Variants in NCBP2 observed in about 807,000 individuals in gnomAD.
The protein encoded by NCBP2 is nuclear cap binding protein subunit 2.
NCBP2 carries 8 observed loss-of-function variants against 21.5 expected under a neutral mutation model. That is an observed-to-expected ratio of 0.37 (90% CI 0.22 to 0.67). The LOEUF (loss-of-function observed/expected upper bound fraction) is 0.67. Among genes scored for constraint, NCBP2 ranks in the 30% least tolerant of loss-of-function variants. NCBP2 has a pLI of 0.56. For synonymous variants in NCBP2, 92 were observed against 75.8 expected, an observed-to-expected ratio of 1.21 and a Z score of -1.11; for missense variants, 127 against 206.9, an observed-to-expected ratio of 0.61 and a Z score of 2.37.
intron 1 of NCBP2, among the ~76,000 whole-genome samples, chr3:196,940,817 G>C (rs193073273): frequency 1.2e-3 from 179 of 152,330 alleles, no homozygotes; most frequent in African/African-American, 4.0e-3. Flanking sequence ...AATCATGCCT[G>C]GCACTTAGGC....
At chr3:196,941,883 C>T in intron 1 of NCBP2, 7 of 1,535,240 alleles carry the variant, frequency 4.6e-6, no homozygotes, top group Non-Finnish European at 6.1e-6. Flanking sequence ...CCTCCCCACT[C>T]CGAAGCTTCC....
chr3:196,937,863 C>T (rs760525830), intron 2 of NCBP2: 6 of 563,634 alleles, frequency 1.1e-5, no homozygotes, highest in Non-Finnish European at 1.9e-5. Flanking sequence ...GATCATATTT[C>T]TTGGACATTC....
chr3:196,938,462 A>G (rs916272490), intron 2 of NCBP2: 2 of 152,244 alleles, frequency 1.3e-5, no homozygotes, highest in Admixed American at 1.3e-4. Flanking sequence ...AGAATATTAA[A>G]TTGAATGACC....
At chr3:196,940,044 C>A (rs1716457239) in intron 1 of NCBP2, 1 of 152,248 alleles carries the variant, frequency 6.6e-6, no homozygotes, top group Non-Finnish European at 1.5e-5. Context: ...ATCCAACACA[C>A]CTGACAGACA....
At position 196,937,662 on chromosome 3, in the gene NCBP2, G is replaced by T. The variant is rs758965131; in HGVS notation, c.261-14C>A. 1 of 1,612,100 alleles carries T rather than the reference G, an allele frequency of 6.2e-7. No individual in the cohort carries two copies. Among genetic ancestry groups the T allele is most frequent in the South Asian group, 1.1e-5 (1 of 91,010 alleles). Reference sequence around the variant, plus strand: ...CGTGAGTAATATCTTAAGTATTAAGGAACACTAGCATTTTTCCAAACATTT... The same window carrying T: ...CGTGAGTAATATCTTAAGTATTAAGTAACACTAGCATTTTTCCAAACATTT... On this transcript the variant is annotated splice_polypyrimidine_tract_variant and intron_variant, in intron 2 of 3. Coordinates refer to ENST00000321256, the MANE Select transcript of NCBP2 (RefSeq NM_007362.5).
At chr3:196,942,080 AC>A in intron 1 of NCBP2, 1 of 1,513,292 alleles carries the variant, frequency 6.6e-7, no homozygotes, top group Non-Finnish European at 8.8e-7. Context: ...AGAGAAGGGC[AC>A]CCCTCCCCCT....
intron 2 of NCBP2, chr3:196,938,061 A>G (rs1022160069): frequency 3.7e-5 from 6 of 160,614 alleles, no homozygotes; most frequent in Non-Finnish European, 5.5e-5. Flanking sequence ...GAAAGACTCA[A>G]GCTGTCACCA....
chr3:196,942,242 G>C, intron 1 of NCBP2, 184 bp downstream of exon 1: 1 of 1,466,988 alleles, frequency 6.8e-7, no homozygotes, highest in Non-Finnish European at 9.0e-7. Flanking sequence ...TCCAGAGCAA[G>C]TGGCTTCAGT....
chr3:196,937,327 C>G, intron 3 of NCBP2, 183 bp downstream of exon 3: 1 of 870,528 alleles, frequency 1.1e-6, no homozygotes, highest in Non-Finnish European at 1.7e-6. Context: ...ACGTACAGAA[C>G]ATACCATTTC....
At chr3:196,942,318 C>A (rs1397140922) in intron 1 of NCBP2, 108 bp downstream of exon 1, 11 of 1,534,362 alleles carry the variant, frequency 7.2e-6, no homozygotes, top group African/African-American at 2.7e-5. Context: ...CCCCACTTGG[C>A]GTTTGCGGAT....
chr3:196,941,312 G>T (rs925747475), intron 1 of NCBP2, among the ~76,000 whole-genome samples: 1 of 151,982 alleles, frequency 6.6e-6, no homozygotes, highest in African/African-American at 2.4e-5. Flanking sequence ...GGCTAGTCTT[G>T]AACTCCTAAC....
chr3:196,936,808 C>CT lies in NCBP2; in HGVS notation c.*202dup. On this transcript the variant is annotated 3_prime_UTR_variant, in exon 4 of 4. Coordinates refer to ENST00000321256, the MANE Select transcript of NCBP2 (RefSeq NM_007362.5). Reference sequence around the variant, plus strand: ...CTGGTAACAAAATTGTTCTGATAATCTGACACATGGCCAAGATTCTCAGAC... The same window carrying CT: ...CTGGTAACAAAATTGTTCTGATAATCTTGACACATGGCCAAGATTCTCAGAC... The CT allele has an allele frequency of 1.7e-6, 1 of 587,984 alleles. No homozygotes were observed. The highest frequency in any genetic ancestry group is 2.1e-5 in the South Asian group (1 of 47,706). 36.4% of individuals were successfully genotyped at this position (587,984 alleles called of 1,614,324 possible).
At chr3:196,941,816 G>A in intron 1 of NCBP2, 2 of 1,240,036 alleles carry the variant, frequency 1.6e-6, no homozygotes, top group Non-Finnish European at 2.2e-6. Context: ...CTGAAATCCA[G>A]CAATTCTCCG....
chr3:196,942,335 T>C, intron 1 of NCBP2, 91 bp downstream of exon 1: 2 of 1,546,382 alleles, frequency 1.3e-6, no homozygotes, highest in Non-Finnish European at 1.7e-6. Flanking sequence ...GGATTTCAGC[T>C]GAATGGGAGG....
At chr3:196,937,781 C>A in intron 2 of NCBP2, 133 bp from the exon 3 acceptor site, 1 of 1,103,484 alleles carries the variant, frequency 9.1e-7, no homozygotes, top group Non-Finnish European at 1.3e-6. Context: ...AGTAATTCAG[C>A]TTGCCCAGGC....
chr3:196,939,517 A>C lies in NCBP2; in HGVS notation c.79-85T>G, dbSNP rs961398359. Reference sequence around the variant, plus strand: ...TCTAAGTACGGTAGAGACATTCATTAATTCTGGTTTGGAAATCAACTTCTC... The same window carrying C: ...TCTAAGTACGGTAGAGACATTCATTCATTCTGGTTTGGAAATCAACTTCTC... On this transcript the variant is annotated intron_variant, in intron 1 of 3. Transcript: ENST00000321256. The C allele has an allele frequency of 3.7e-6, 4 of 1,074,864 alleles. 1 individual carries two copies. Among genetic ancestry groups the C allele is most frequent in the Non-Finnish European group, 5.2e-6 (4 of 764,004 alleles). The allele number at this position is 1,074,864 out of a possible 1,614,324, so 66.6% of individuals were successfully genotyped here.
At chr3:196,940,568 T>G (rs569028158) in intron 1 of NCBP2, among the ~76,000 whole-genome samples, 1 of 152,316 alleles carries the variant, frequency 6.6e-6, no homozygotes, top group East Asian at 1.9e-4. Flanking sequence ...GCCTACAGTT[T>G]AAGATAACTG....
chr3:196,938,595 A>G (rs1200041063), intron 2 of NCBP2: 1 of 152,292 alleles, frequency 6.6e-6, no homozygotes, highest in Admixed American at 6.5e-5. Flanking sequence ...GTCAGGTTAT[A>G]TACATCTATA....
chr3:196,937,804 G>A, intron 2 of NCBP2, 156 bp from the exon 3 acceptor site: 1 of 789,832 alleles, frequency 1.3e-6, no homozygotes, highest in Non-Finnish European at 2.0e-6. Flanking sequence ...GTTTGCGATT[G>A]GTTTGGAAGC....
Sources: allele counts gnomAD v4.1 joint callset (sites outside exome capture counted in the v4.1 genomes callset), GRCh38; gene constraint gnomAD v4.1.1; transcripts MANE v1.5; gene names NCBI Gene and HGNC (gene_info 2026-07-23, HGNC 2026-07-21).